Variants in RSF1 observed in about 807,000 individuals in gnomAD.
The protein encoded by RSF1 is HBV pX-associated protein 8.
Under a neutral mutation model 145.2 loss-of-function variants are expected in RSF1, and 13 were observed. That is an observed-to-expected ratio of 0.09 (90% CI 0.06 to 0.14). The LOEUF (loss-of-function observed/expected upper bound fraction) is 0.14. Ranked by LOEUF, RSF1 falls within the 10% of genes least tolerant of loss-of-function variation. RSF1 has a pLI of 1.00. For synonymous variants in RSF1, 577 were observed against 592.6 expected, an observed-to-expected ratio of 0.97 and a Z score of 0.38; for missense variants, 1,517 against 1,718.2, an observed-to-expected ratio of 0.88 and a Z score of 2.07.
chr11:77,847,730 A>G, the RSF1 span, among the ~76,000 whole-genome samples: 1 of 152,344 alleles, frequency 6.6e-6, no homozygotes, highest in East Asian at 1.9e-4. Flanking sequence ...TATTCAGTTA[A>G]TAAGTCATAA....
At chr11:77,695,774 T>TTG (rs1960263843) in intron 7 of RSF1, among the ~76,000 whole-genome samples, 1 of 152,152 alleles carries the variant, frequency 6.6e-6, no homozygotes, top group African/African-American at 2.4e-5. Flanking sequence ...ACTTTTAATC[T>TTG]CTCTCAGAGG....
intron 1 of RSF1, among the ~76,000 whole-genome samples, chr11:77,810,080 T>C (rs756285174): frequency 6.6e-6 from 1 of 152,238 alleles, no homozygotes; most frequent in Non-Finnish European, 1.5e-5. Context: ...AGCTATTATC[T>C]AGTACATTCT....
Position 77,667,309 on chromosome 11 carries a change from C to A in RSF1, c.3934G>T (p.Asp1312Tyr), listed in dbSNP as rs1189077204. 6.2e-7 allele frequency: 1 copy of A among 1,614,168 alleles called. No individual in the cohort carries two copies. The highest frequency in any genetic ancestry group is 1.7e-5 in the Admixed American group (1 of 60,028). ...RIETDEEESC[D>Y]NAHGDANQPA... ...TGATTTGCATCTCCATGAGCATTGT[C>A]ACAACTCTCCTCCTCATCCGTCTCA... The change falls in exon 16 of 16, where the codon GAC becomes TAC. Residue 1312 changes from aspartate to tyrosine, a missense_variant. Around this residue, in one of 12 missense-constraint regions of RSF1, gnomAD observed 240 missense variants for 231.8 expected, o/e 1.04. Transcript: ENST00000308488.
At chr11:77,858,894 C>A in the RSF1 span, among the ~76,000 whole-genome samples, 1 of 152,298 alleles carries the variant, frequency 6.6e-6, no homozygotes, top group Middle Eastern at 3.4e-3. Flanking sequence ...ATAAACTTAA[C>A]AAGGAGGTTA....
At chr11:77,737,156 G>C (rs1162677303) in intron 4 of RSF1, among the ~76,000 whole-genome samples, 1 of 152,114 alleles carries the variant, frequency 6.6e-6, no homozygotes, top group Non-Finnish European at 1.5e-5. Flanking sequence ...GTGAAAATGA[G>C]AAAACTATGC....
At chr11:77,769,053 ATC>A (rs1948255598) in intron 1 of RSF1, among the ~76,000 whole-genome samples, 1 of 152,196 alleles carries the variant, frequency 6.6e-6, no homozygotes. Flanking sequence ...GCTGTAAAGT[ATC>A]AATCATATAT....
At chr11:77,857,166 C>T in the RSF1 span, among the ~76,000 whole-genome samples, 21 of 151,966 alleles carry the variant, frequency 1.4e-4, no homozygotes, top group African/African-American at 5.1e-4. Flanking sequence ...AGTAATTAAG[C>T]AAAAAGATAA....
At chr11:77,770,452 C>G (rs1263536590) in intron 1 of RSF1, among the ~76,000 whole-genome samples, 3 of 152,100 alleles carry the variant, frequency 2.0e-5, no homozygotes, top group Non-Finnish European at 1.5e-5. Flanking sequence ...GAGACTCCGT[C>G]TCAAAAAACA....
chr11:77,683,692 T>C lies in RSF1; in HGVS notation c.3065+18A>G. The C allele has an allele frequency of 1.3e-6, 2 of 1,543,308 alleles. No individual in the cohort carries two copies. The highest frequency in any genetic ancestry group is 8.9e-7 in the Non-Finnish European group (1 of 1,118,506). ...AATAAATCCTCTTTTGCTGTAGACATTTCCATACACTTCATACCTGTAGCT... is the reference window on the plus strand; with the variant it reads ...AATAAATCCTCTTTTGCTGTAGACACTTCCATACACTTCATACCTGTAGCT... On this transcript the variant is annotated intron_variant, in intron 11 of 15. Coordinates refer to ENST00000308488, the MANE Select transcript of RSF1 (RefSeq NM_016578.4).
intron 1 of RSF1, 131 bp downstream of exon 1, chr11:77,820,397 C>A (rs963037122): frequency 7.2e-6 from 7 of 975,822 alleles, no homozygotes; most frequent in African/African-American, 3.3e-5. Context: ...ACCAGCCCGG[C>A]GGAGTTGCGT....
chr11:77,684,939 A>G (rs976684244), intron 10 of RSF1, among the ~76,000 whole-genome samples, 166 bp downstream of exon 10: 1 of 152,144 alleles, frequency 6.6e-6, no homozygotes, highest in Non-Finnish European at 1.5e-5. Flanking sequence ...GTGAGCAGAG[A>G]TTGCGCCATT....
chr11:77,737,597 A>C (rs1433170799), intron 4 of RSF1, among the ~76,000 whole-genome samples: 1 of 142,918 alleles, frequency 7.0e-6, no homozygotes, highest in African/African-American at 2.5e-5. Context: ...TAACAAATGG[A>C]AAGAAGTTTT....
At chr11:77,803,753 G>C (rs574061071) in intron 1 of RSF1, among the ~76,000 whole-genome samples, 1 of 152,044 alleles carries the variant, frequency 6.6e-6, no homozygotes, top group South Asian at 2.1e-4. Flanking sequence ...ACTCCAGTGT[G>C]TGCAACAGGG....
At chr11:77,684,871 C>T (rs1183015813) in intron 10 of RSF1, among the ~76,000 whole-genome samples, 1 of 152,076 alleles carries the variant, frequency 6.6e-6, no homozygotes, top group Non-Finnish European at 1.5e-5. Context: ...CCTGTAATCC[C>T]AGCTACTCAG....
rs1173973328 is a variant in RSF1, at chr11:77,675,220, T to G, written c.3378A>C (p.Pro1126=). 6.2e-7 allele frequency: 1 copy of G among 1,613,872 alleles called. No individual in the cohort carries two copies. The highest frequency in any genetic ancestry group is 8.5e-7 in the Non-Finnish European group (1 of 1,180,016). ...QDEFVVSDEN[P]DESEEDPPSN... is the part of the protein sequence containing the mutation. ...ATGGCGGATCTTCTTCACTTTCATC[T>G]GGGTTTTCATCAGACACAACAAACT... Residue 1126 remains proline, a synonymous_variant, in exon 14 of 16, where the codon CCA becomes CCC. Coordinates refer to ENST00000308488, the MANE Select transcript of RSF1 (RefSeq NM_016578.4).
chr11:77,742,427 G>A (rs1043825998), intron 3 of RSF1, among the ~76,000 whole-genome samples: 3 of 152,014 alleles, frequency 2.0e-5, no homozygotes, highest in South Asian at 2.1e-4. Flanking sequence ...CTACAGGGGC[G>A]TGCCACCATG....
At chr11:77,692,090 C>T (rs1960162921) in intron 8 of RSF1, among the ~76,000 whole-genome samples, 1 of 151,976 alleles carries the variant, frequency 6.6e-6, no homozygotes, top group African/African-American at 2.4e-5. Context: ...GGGATATCGT[C>T]ATGTTGGTCA....
In RSF1 at chr11:77,728,500, CAGGAA is replaced by C. The variant is rs372068321; in HGVS notation, c.579-2806_579-2802del. On this transcript the variant is annotated intron_variant, in intron 4 of 15. Coordinates refer to ENST00000308488, the MANE Select transcript of RSF1 (RefSeq NM_016578.4). ...GACCAGCCTGACCAACATGGAGAAA[CAGGAA>C]AGGAAAGGAAAGGAAAGGGGAAAGG... Among the ~76,000 whole-genome samples, 655 of 131,834 alleles carry C rather than the reference CAGGAA, an allele frequency of 5.0e-3. 4 individuals are homozygous for C. Among genetic ancestry groups the C allele is most frequent in the African/African-American group, 0.018 (614 of 34,720 alleles). 86.5% of individuals were successfully genotyped at this position (131,834 alleles called of 152,430 possible). A position where few individuals can be genotyped will look rare whatever the true frequency, so the allele number is the denominator to read the frequency against.
chr11:77,719,630 C>T (rs117431262), intron 5 of RSF1, among the ~76,000 whole-genome samples: 22 of 152,166 alleles, frequency 1.4e-4, no homozygotes, highest in Admixed American at 3.9e-4. Flanking sequence ...ACATATGTTC[C>T]CTCAAAAATT....
Sources: allele counts gnomAD v4.1 joint callset (sites outside exome capture counted in the v4.1 genomes callset), GRCh38; gene constraint gnomAD v4.1.1; regional missense constraint gnomAD v4.1.1; transcripts MANE v1.5; gene names NCBI Gene and HGNC (gene_info 2026-07-23, HGNC 2026-07-21).